NUDCD1: variants seen among roughly 807,000 people sequenced by gnomAD.
NUDCD1 encodes the protein nudC domain-containing protein 1.
Under a neutral mutation model 67.8 loss-of-function variants are expected in NUDCD1, and 60 were observed. That is an observed-to-expected ratio of 0.88 (90% CI 0.72 to 1.10). The LOEUF (loss-of-function observed/expected upper bound fraction) is 1.10, where lower values mean the gene tolerates loss of function less well. NUDCD1 is among the 50% of genes least tolerant of loss of function. The pLI, the probability that NUDCD1 is intolerant of heterozygous loss-of-function variation, is 0.00. For missense variants in NUDCD1, 643 were observed against 695.0 expected (o/e 0.93, Z 0.84); for synonymous variants, 244 against 230.8 (o/e 1.06, Z -0.52).
At chr8:109,284,173 A>G (rs1489339246) in intron 5 of NUDCD1, among the ~76,000 whole-genome samples, 1 of 152,162 alleles carries the variant, frequency 6.6e-6, no homozygotes, top group African/African-American at 2.4e-5. Context: ...CTTTAAACCA[A>G]CAAAGGTAAA....
intron 2 of NUDCD1, among the ~76,000 whole-genome samples, chr8:109,307,313 C>A (rs1332505481): frequency 6.6e-6 from 1 of 152,222 alleles, no homozygotes; most frequent in African/African-American, 2.4e-5. Context: ...GTATGCCTAT[C>A]CCAAACCTGT....
chr8:109,258,910 A>T (rs1813802203), intron 8 of NUDCD1, among the ~76,000 whole-genome samples: 1 of 152,218 alleles, frequency 6.6e-6, no homozygotes. Context: ...ATTGGCAACC[A>T]ATAATTAACA....
Position 109,311,559 on chromosome 8 carries a change from G to GTGTGTGTATATATATATATATATATATA in NUDCD1, c.273+10749_273+10750insTATATATATATATATATATATACACACA. Among the ~76,000 whole-genome samples, 6 of 125,166 alleles carry GTGTGTGTATATATATATATATATATATA rather than the reference G, an allele frequency of 4.8e-5. No individual in the cohort carries two copies. In the South Asian group the frequency reaches 1.2e-3, roughly 26 times the overall value. 82.1% of individuals were successfully genotyped at this position (125,166 alleles called of 152,430 possible). A position where few individuals can be genotyped will look rare whatever the true frequency, so the allele number is the denominator to read the frequency against. On this transcript the variant is annotated intron_variant, in intron 2 of 9. Coordinates refer to ENST00000239690, the MANE Select transcript of NUDCD1 (RefSeq NM_032869.4). ...AATGAGTGGATAAAGAAACTGTGGT[G>GTGTGTGTATATATATATATATATATATA]TATATATATATATGATGGGATACTG...
intron 2 of NUDCD1, among the ~76,000 whole-genome samples, chr8:109,321,247 T>C (rs560076502): frequency 3.5e-4 from 53 of 152,276 alleles, no homozygotes; most frequent in African/African-American, 1.2e-3. Flanking sequence ...GAAGCAAATA[T>C]ATTAACAATG....
chr8:109,294,238 A>G (rs1015177241), intron 3 of NUDCD1, among the ~76,000 whole-genome samples: 1 of 152,010 alleles, frequency 6.6e-6, no homozygotes, highest in Admixed American at 6.6e-5. Context: ...AAAAACAAAA[A>G]CAAAAAACAA....
intron 1 of NUDCD1, among the ~76,000 whole-genome samples, chr8:109,324,383 C>CA (rs1465645271): frequency 7.2e-6 from 1 of 139,572 alleles, no homozygotes; most frequent in African/African-American, 2.7e-5. Context: ...TGGCTATTTT[C>CA]AAAAAAATAC....
At chr8:109,303,299 G>A (rs1308946455) in intron 2 of NUDCD1, among the ~76,000 whole-genome samples, 2 of 152,262 alleles carry the variant, frequency 1.3e-5, no homozygotes, top group African/African-American at 4.8e-5. Flanking sequence ...CTGCCCGATC[G>A]CCTTGGAAGC....
At chr8:109,332,194 A>C (rs1038083883) in intron 1 of NUDCD1, among the ~76,000 whole-genome samples, 11 of 152,224 alleles carry the variant, frequency 7.2e-5, no homozygotes, top group Non-Finnish European at 1.5e-4. Context: ...TAAAAGGCCG[A>C]TAAGTACGTC....
At chr8:109,326,361 T>C (rs1371980700) in intron 1 of NUDCD1, among the ~76,000 whole-genome samples, 5 of 152,338 alleles carry the variant, frequency 3.3e-5, no homozygotes, top group Non-Finnish European at 2.9e-5. Flanking sequence ...CACATGATGA[T>C]GACCATGTCA....
At chr8:109,249,844 ATTCT>A (rs1813582075) in intron 8 of NUDCD1, among the ~76,000 whole-genome samples, 1 of 128,362 alleles carries the variant, frequency 7.8e-6, no homozygotes, top group African/African-American at 2.8e-5. Context: ...GAATTGTTGA[ATTCT>A]TTTTTTTTTT....
At chr8:109,243,446 A>C in intron 9 of NUDCD1, 145 bp from the exon 10 acceptor site, 1 of 568,848 alleles carries the variant, frequency 1.8e-6, no homozygotes, top group South Asian at 4.2e-5. Context: ...TATAATTCTG[A>C]ATCATTAACG....
chr8:109,243,585 C>T (rs548234970), intron 9 of NUDCD1, among the ~76,000 whole-genome samples: 33 of 152,164 alleles, frequency 2.2e-4, no homozygotes, highest in Non-Finnish European at 3.2e-4. Context: ...ACGAATAATT[C>T]GAACACTAAA....
chr8:109,266,522 G>T (rs551574050), intron 8 of NUDCD1, among the ~76,000 whole-genome samples: 186 of 151,644 alleles, frequency 1.2e-3, no homozygotes, highest in Middle Eastern at 6.8e-3. Flanking sequence ...GGGATTACAG[G>T]TGTGAGCCAC....
At chr8:109,287,728 A>G (rs937218671) in intron 5 of NUDCD1, among the ~76,000 whole-genome samples, 8 of 152,208 alleles carry the variant, frequency 5.3e-5, no homozygotes, top group African/African-American at 1.2e-4. Flanking sequence ...TCTAAGCACC[A>G]TGCAATACAA....
intron 2 of NUDCD1, among the ~76,000 whole-genome samples, chr8:109,300,192 T>A (rs1814951886): frequency 6.6e-6 from 1 of 152,062 alleles, no homozygotes. Context: ...AAAACAAGGT[T>A]CTTTAACACC....
At chr8:109,258,963 T>G (rs1813803388) in intron 8 of NUDCD1, among the ~76,000 whole-genome samples, 1 of 152,194 alleles carries the variant, frequency 6.6e-6, no homozygotes, top group Admixed American at 6.5e-5. Context: ...GAAACTAAAA[T>G]GTCTCCAATA....
intron 4 of NUDCD1, among the ~76,000 whole-genome samples, chr8:109,293,064 T>C (rs960180149): frequency 2.6e-5 from 4 of 152,076 alleles, no homozygotes; most frequent in African/African-American, 7.2e-5. Context: ...TTTTTGTATA[T>C]ATTAAAAATA....
chr8:109,331,832 C>T (rs532204236), intron 1 of NUDCD1, among the ~76,000 whole-genome samples: 18 of 152,280 alleles, frequency 1.2e-4, no homozygotes, highest in African/African-American at 3.8e-4. Flanking sequence ...ATTGTAATGG[C>T]TCAATACAAA....
intron 2 of NUDCD1, among the ~76,000 whole-genome samples, chr8:109,310,420 T>C (rs191610129): frequency 6.6e-6 from 1 of 152,228 alleles, no homozygotes; most frequent in East Asian, 1.9e-4. Context: ...CAGCCACATG[T>C]AGGAGAATGA....
Sources: allele counts gnomAD v4.1 joint callset (sites outside exome capture counted in the v4.1 genomes callset), GRCh38; gene constraint gnomAD v4.1.1; transcripts MANE v1.5; gene names NCBI Gene and HGNC (gene_info 2026-07-23, HGNC 2026-07-21).